The following DLG2 variants were observed in gnomAD, a reference collection of about 807,000 sequenced individuals.
DLG2 encodes discs large MAGUK scaffold protein 2.
DLG2 carries 45 observed loss-of-function variants against 132.5 expected under a neutral mutation model. The ratio of observed to expected loss-of-function variants is 0.34; its 90% CI spans 0.27 to 0.44. The LOEUF is 0.44. Among genes scored for constraint, DLG2 ranks in the 20% least tolerant of loss-of-function variants. DLG2 has a pLI of 1.00. For synonymous variants in DLG2, 424 were observed against 419.6 expected, an observed-to-expected ratio of 1.01 and a Z score of -0.13; for missense variants, 1,045 against 1,196.9, an observed-to-expected ratio of 0.87 and a Z score of 1.87.
chr11:83,601,227 G>T (rs192647005), intron 19 of DLG2, among the ~76,000 whole-genome samples: 75 of 152,316 alleles, frequency 4.9e-4, no homozygotes, highest in African/African-American at 1.8e-3. Context: ...GGGGTACACT[G>T]AGATTACTTT....
intron 4 of DLG2, among the ~76,000 whole-genome samples, chr11:85,263,741 G>A (rs1371082393): frequency 2.0e-5 from 3 of 152,210 alleles, no homozygotes; most frequent in African/African-American, 7.2e-5. Context: ...CTCCAGGCTT[G>A]AATGCTGTCC....
At chr11:83,828,646 A>C (rs2053589559) in intron 17 of DLG2, among the ~76,000 whole-genome samples, 1 of 152,174 alleles carries the variant, frequency 6.6e-6, no homozygotes, top group Admixed American at 6.5e-5. Flanking sequence ...CACTTTGGGA[A>C]ATGCCAATCT....
At chr11:83,816,877 G>A (rs1351484688) in intron 17 of DLG2, among the ~76,000 whole-genome samples, 1 of 152,054 alleles carries the variant, frequency 6.6e-6, no homozygotes, top group East Asian at 1.9e-4. Flanking sequence ...TATTCTTCAA[G>A]TTTGGTTAGG....
At chr11:85,507,911 ACT>A (rs1400111408) in intron 3 of DLG2, among the ~76,000 whole-genome samples, 3 of 150,428 alleles carry the variant, frequency 2.0e-5, no homozygotes, top group African/African-American at 4.9e-5. Flanking sequence ...ATTTCTTTTC[ACT>A]CTTTTTTCTC....
Position 85,579,398 on chromosome 11 carries a change from T to TA in DLG2, c.40+19258dup, listed in dbSNP as rs201852438. On this transcript the variant is annotated intron_variant, in intron 3 of 27. Transcript: ENST00000376104. ...TCGAAATCAAAATAAAAGTTAAATT[T>TA]AAAAAAAAAGAGAGAGACCTGAGGA... Among the ~76,000 whole-genome samples, 1,308 of 150,380 alleles carry TA rather than the reference T, an allele frequency of 8.7e-3. 26 individuals are homozygous for TA. Among genetic ancestry groups the TA allele is most frequent in the African/African-American group, 0.029 (1,196 of 41,006 alleles).
chr11:84,718,913 T>C (rs1285588005), intron 6 of DLG2, among the ~76,000 whole-genome samples: 8 of 152,184 alleles, frequency 5.3e-5, no homozygotes, highest in Admixed American at 5.2e-4. Flanking sequence ...GTATGGGCAA[T>C]ATATTTTTTA....
At chr11:84,154,763 C>A (rs776085056) in intron 9 of DLG2, among the ~76,000 whole-genome samples, 1 of 151,972 alleles carries the variant, frequency 6.6e-6, no homozygotes, top group African/African-American at 2.4e-5. Context: ...GTTTTTTGTC[C>A]CTGCGATAGT....
chr11:84,397,669 T>C (rs779108078), intron 7 of DLG2, among the ~76,000 whole-genome samples: 1 of 152,236 alleles, frequency 6.6e-6, no homozygotes, highest in Non-Finnish European at 1.5e-5. Context: ...CAGTTGAACA[T>C]TGACGTGAGA....
chr11:85,009,557 T>C (rs749231869), intron 6 of DLG2, among the ~76,000 whole-genome samples: 2 of 152,080 alleles, frequency 1.3e-5, no homozygotes, highest in African/African-American at 2.4e-5. Context: ...AGATATGAAT[T>C]GTAAATATCA....
intron 3 of DLG2, among the ~76,000 whole-genome samples, chr11:85,551,243 TAGAAATATGAGAAGC>T (rs945345785): frequency 2.0e-5 from 3 of 152,276 alleles, no homozygotes; most frequent in Admixed American, 2.0e-4. Flanking sequence ...GTATTAGGTG[TAGAAATATGAGAAGC>T]AGAATGGTTA....
chr11:84,357,471 C>T (rs528625448), intron 7 of DLG2, among the ~76,000 whole-genome samples: 2 of 151,956 alleles, frequency 1.3e-5, no homozygotes, highest in Non-Finnish European at 2.9e-5. Flanking sequence ...CTTCATAGAA[C>T]CTATCACAGT....
At chr11:83,657,791 T>C (rs183307676) in intron 18 of DLG2, among the ~76,000 whole-genome samples, 80 of 152,238 alleles carry the variant, frequency 5.3e-4, no homozygotes, top group Non-Finnish European at 4.6e-4. Context: ...CCGCCCGCCT[T>C]GGCCTCCCAA....
At chr11:84,485,413 A>T (rs1393077404) in intron 7 of DLG2, among the ~76,000 whole-genome samples, 1 of 152,186 alleles carries the variant, frequency 6.6e-6, no homozygotes, top group African/African-American at 2.4e-5. Flanking sequence ...TTGAATAAGC[A>T]TTTGACACAA....
At chr11:83,958,500 T>C (rs7102284) in intron 14 of DLG2, among the ~76,000 whole-genome samples, 20,509 of 152,156 alleles carry the variant, frequency 0.13, 1,729 homozygotes, top group African/African-American at 0.22. Flanking sequence ...AAATATATCT[T>C]TTACAGTTAT....
At chr11:84,594,584 G>A (rs1015614713) in intron 6 of DLG2, among the ~76,000 whole-genome samples, 10 of 152,298 alleles carry the variant, frequency 6.6e-5, no homozygotes, top group East Asian at 3.9e-4. Context: ...ACTGAAATAC[G>A]GATGGGACTG....
intron 3 of DLG2, among the ~76,000 whole-genome samples, chr11:85,373,551 A>T (rs2085156975): frequency 6.6e-6 from 1 of 152,050 alleles, no homozygotes; most frequent in Non-Finnish European, 1.5e-5. Context: ...AACTCCAACC[A>T]GCCTGCCCAT....
chr11:84,321,885 G>C (rs1244899321), intron 7 of DLG2, among the ~76,000 whole-genome samples: 2 of 152,090 alleles, frequency 1.3e-5, no homozygotes, highest in Admixed American at 6.5e-5. Flanking sequence ...TGAATACCGG[G>C]TCACCTTCTA....
intron 6 of DLG2, among the ~76,000 whole-genome samples, chr11:84,757,804 T>A (rs888029592): frequency 2.6e-5 from 4 of 152,200 alleles, no homozygotes; most frequent in African/African-American, 9.7e-5. Flanking sequence ...GTGATACTGC[T>A]TTCCCAAGAA....
In DLG2 at chr11:85,571,326, G is replaced by A. The variant is rs146477202; in HGVS notation, c.40+27331C>T. Among the ~76,000 whole-genome samples the A allele has an allele frequency of 1.9e-3, 292 of 152,192 alleles. 3 individuals are homozygous for A. The highest frequency in any genetic ancestry group is 6.6e-3 in the African/African-American group (274 of 41,518). Reference sequence around the variant, plus strand: ...TAGTAACCTTTTATGAACTAATTTTGTAAAGTTTTTTGTATTCTTTGTCAT... The same window carrying A: ...TAGTAACCTTTTATGAACTAATTTTATAAAGTTTTTTGTATTCTTTGTCAT... On this transcript the variant is annotated intron_variant, in intron 3 of 27. Transcript: ENST00000376104.
Sources: gnomAD v4.1 joint callset for allele counts (sites outside exome capture counted in the v4.1 genomes callset) on GRCh38, gnomAD v4.1.1 for gene constraint, MANE v1.5 for transcripts, NCBI Gene and HGNC (gene_info 2026-07-23, HGNC 2026-07-21) for gene names.